MIA2: variants seen among roughly 807,000 people sequenced by gnomAD.
MIA2 encodes MIA SH3 domain ER export factor 2.
Under a neutral mutation model 167.8 loss-of-function variants are expected in MIA2, and 127 were observed. The observed-to-expected ratio is 0.76, with a 90% confidence interval of 0.66 to 0.88. The LOEUF (loss-of-function observed/expected upper bound fraction) is 0.88, where lower values mean the gene tolerates loss of function less well. MIA2 is among the 40% of genes least tolerant of loss of function. MIA2 has a pLI of 0.00. For missense variants in MIA2, 1,690 were observed against 1,624.7 expected (o/e 1.04, Z -0.69); for synonymous variants, 552 against 541.9 (o/e 1.02, Z -0.26).
chr14:39,250,320 C>T (rs886972704), intron 4 of MIA2, among the ~76,000 whole-genome samples: 1 of 152,180 alleles, frequency 6.6e-6, no homozygotes, highest in South Asian at 2.1e-4. Flanking sequence ...ATAGTCCCAG[C>T]TACTTGGGAG....
intron 3 of MIA2, among the ~76,000 whole-genome samples, chr14:39,245,718 A>T (rs1275362941): frequency 6.6e-6 from 1 of 152,216 alleles, no homozygotes; most frequent in Non-Finnish European, 1.5e-5. Flanking sequence ...AGAGAGCAAG[A>T]CAGGCGCTGA....
At chr14:39,355,531 G>C (rs925143111), downstream of MIA2, among the ~76,000 whole-genome samples, 6 of 151,980 alleles carry the variant, frequency 3.9e-5, no homozygotes, top group Non-Finnish European at 7.4e-5. Flanking sequence ...TTTCCTAATT[G>C]AATGCCCTTT....
intron 23 of MIA2, among the ~76,000 whole-genome samples, chr14:39,358,030 C>G (rs1365472692): frequency 6.6e-6 from 1 of 152,126 alleles, no homozygotes; most frequent in Non-Finnish European, 1.5e-5. Context: ...AATTATGTGT[C>G]TTGGAGTTGC....
At chr14:39,314,899 G>T in intron 20 of MIA2, 100 bp downstream of exon 20, 1 of 940,106 alleles carries the variant, frequency 1.1e-6, no homozygotes, top group South Asian at 3.3e-5. Context: ...ATAATTACTT[G>T]ACCAGTTGTA....
In MIA2 at chr14:39,285,515, G is replaced by A. The variant is rs868818297; in HGVS notation, c.2131-5504G>A. ...TCCCGGACGGGGCGGCTGGCCGGGC[G>A]GGGGCTGACCCCCCACCTCCCTCCC... On this transcript the variant is annotated intron_variant, in intron 9 of 28. Transcript: ENST00000640607. Among the ~76,000 whole-genome samples the A allele has an allele frequency of 6.4e-4, 93 of 145,278 alleles. 1 individual carries two copies. The highest frequency in any genetic ancestry group is 3.8e-3 in the Middle Eastern group (1 of 260).
Position 39,313,326 on chromosome 14 carries a change from T to G in MIA2, c.3018-14T>G. On this transcript the variant is annotated splice_polypyrimidine_tract_variant and intron_variant, in intron 18 of 28. Coordinates refer to ENST00000640607, the MANE Select transcript of MIA2 (RefSeq NM_001329214.4). ...ACATGTATTAAGAGAATTATAACAT[T>G]TTTTGTTTTTAAGGAAATTAACAGT... The G allele has an allele frequency of 7.3e-7, 1 of 1,364,906 alleles. No homozygotes were observed. The highest frequency in any genetic ancestry group is 1.0e-6 in the Non-Finnish European group (1 of 971,428). The allele number at this position is 1,364,906 out of a possible 1,614,324, so 84.5% of individuals were successfully genotyped here. A position where few individuals can be genotyped will look rare whatever the true frequency, so the allele number is the denominator to read the frequency against.
intron 3 of MIA2, among the ~76,000 whole-genome samples, chr14:39,241,160 G>A (rs1239216370): frequency 2.0e-5 from 3 of 152,200 alleles, no homozygotes; most frequent in African/African-American, 4.8e-5. Flanking sequence ...TCTCATATCT[G>A]TACATCCTCT....
intron 6 of MIA2, chr14:39,267,198 C>A: frequency 2.3e-6 from 3 of 1,303,128 alleles, no homozygotes; most frequent in Non-Finnish European, 2.9e-6. Context: ...GGGTACGTCG[C>A]AGGCTTGTGC....
rs376617314 is a variant in MIA2 at position 39,303,426 on chromosome 14, C to G, written c.2741-52C>G. ...ATAAAATCATTTTGATGTCTATTGT[C>G]GTATTGTACTATTTTCCCAAATCAT... On this transcript the variant is annotated intron_variant, in intron 15 of 28. Coordinates refer to ENST00000640607, the MANE Select transcript of MIA2 (RefSeq NM_001329214.4). The G allele has an allele frequency of 2.4e-4, 317 of 1,311,352 alleles. No homozygotes were observed. The East Asian group carries it at 5.6e-3, about 23-fold the overall frequency. 81.2% of individuals were successfully genotyped at this position (1,311,352 alleles called of 1,614,324 possible).
rs555098210 is a variant in MIA2 at position 39,286,947 on chromosome 14, A to C, written c.2131-4072A>C. On this transcript the variant is annotated intron_variant, in intron 9 of 28. Transcript: ENST00000640607. ...CACCATGTTGGACAGGCTGGTCTCGAACTTCTGACCTCAAGTGATCTGCCC... is the reference window on the plus strand; with the variant it reads ...CACCATGTTGGACAGGCTGGTCTCGCACTTCTGACCTCAAGTGATCTGCCC... 1.2e-4 allele frequency among the ~76,000 whole-genome samples: 18 copies of C among 151,956 alleles called. No homozygotes were observed. The South Asian group carries it at 3.7e-3, about 32-fold the overall frequency.
At position 39,276,780 on chromosome 14, in the gene MIA2, T is replaced by G. The variant is rs2058063237; in HGVS notation, c.1888-154T>G. On this transcript the variant is annotated intron_variant, in intron 6 of 28. Transcript: ENST00000640607. ...CTGTTCTTTACTTGGCGATAGTGAT[T>G]GAAAGTTGACAAAAAAATGTACTCT... 3.5e-5 allele frequency: 25 copies of G among 712,992 alleles called. No individual in the cohort carries two copies. In the East Asian group the frequency reaches 7.1e-4, roughly 20 times the overall value. The allele number at this position is 712,992 out of a possible 1,614,324, so 44.2% of individuals were successfully genotyped here.
intron 23 of MIA2, among the ~76,000 whole-genome samples, chr14:39,371,455 T>C (rs1283676853): frequency 1.3e-5 from 2 of 152,236 alleles, no homozygotes; most frequent in Admixed American, 1.3e-4. Flanking sequence ...GAGTGATTTT[T>C]AGTCTGTTTT....
chr14:39,346,532 G>C (rs2073289068), intron 26 of MIA2, among the ~76,000 whole-genome samples: 1 of 151,996 alleles, frequency 6.6e-6, no homozygotes, highest in Non-Finnish European at 1.5e-5. Context: ...ACCCATTAAA[G>C]TTGGGAAATA....
intron 14 of MIA2, among the ~76,000 whole-genome samples, chr14:39,300,826 T>C (rs2062282909): frequency 6.6e-6 from 1 of 151,846 alleles, no homozygotes; most frequent in Non-Finnish European, 1.5e-5. Flanking sequence ...TAAAAAATAG[T>C]ATAAAGAAAG....
At chr14:39,312,896 T>C (rs1175154366) in intron 18 of MIA2, among the ~76,000 whole-genome samples, 3 of 152,006 alleles carry the variant, frequency 2.0e-5, no homozygotes, top group African/African-American at 4.8e-5. Flanking sequence ...ATTGTGTGTG[T>C]GTGTGTGTGT....
intron 9 of MIA2, among the ~76,000 whole-genome samples, chr14:39,288,126 G>C (rs1360539958): frequency 6.6e-6 from 1 of 151,924 alleles, no homozygotes; most frequent in Non-Finnish European, 1.5e-5. Flanking sequence ...CACCTGGCCA[G>C]AACTTTACTT....
chr14:39,251,841 C>T (rs562997428), intron 4 of MIA2, among the ~76,000 whole-genome samples: 1 of 152,236 alleles, frequency 6.6e-6, no homozygotes, highest in African/African-American at 2.4e-5. Flanking sequence ...TTGAACAATT[C>T]ACTTACTACT....
At position 39,279,647 on chromosome 14, in the gene MIA2, A is replaced by G. The variant is rs2058646439; in HGVS notation, c.2130+110A>G. On this transcript the variant is annotated intron_variant, in intron 9 of 28. Transcript: ENST00000640607. ...ATTATGAATGCTTTGTTTGCAGAGTATGAGAGTTCTCTTTGCTCTTCATAT... is the reference window on the plus strand; with the variant it reads ...ATTATGAATGCTTTGTTTGCAGAGTGTGAGAGTTCTCTTTGCTCTTCATAT... 4 of 697,202 alleles carry G rather than the reference A, an allele frequency of 5.7e-6. No individual in the cohort carries two copies. In the Admixed American group the frequency reaches 9.0e-5, roughly 16 times the overall value. The allele number at this position is 697,202 out of a possible 1,614,324, so 43.2% of individuals were successfully genotyped here.
intron 24 of MIA2, among the ~76,000 whole-genome samples, chr14:39,323,362 A>C (rs2066843852): frequency 6.6e-6 from 1 of 152,046 alleles, no homozygotes; most frequent in South Asian, 2.1e-4. Flanking sequence ...AGCCTTAGGG[A>C]GGCTTTGCAT....
Sources: gnomAD v4.1 joint callset for allele counts (sites outside exome capture counted in the v4.1 genomes callset) on GRCh38, gnomAD v4.1.1 for gene constraint, MANE v1.5 for transcripts, NCBI Gene and HGNC (gene_info 2026-07-23, HGNC 2026-07-21) for gene names.